SEMA3E: variants seen among roughly 807,000 people sequenced by gnomAD.
SEMA3E encodes semaphorin 3E, also known as semaphorin-3E.
In SEMA3E, 49 loss-of-function variants were observed where a neutral mutation model predicts 93.6. The observed-to-expected ratio is 0.52, with a 90% CI of 0.42 to 0.66. The LOEUF (loss-of-function observed/expected upper bound fraction) is 0.66, where lower values mean the gene tolerates loss of function less well. SEMA3E is among the 30% of genes least tolerant of loss of function. The pLI is 0.00. For missense variants in SEMA3E, 906 were observed against 964.8 expected, an observed-to-expected ratio of 0.94 and a Z score of 0.81; for synonymous variants, 363 against 330.7, an observed-to-expected ratio of 1.10 and a Z score of -1.06.
intron 1 of SEMA3E, among the ~76,000 whole-genome samples, chr7:83,578,551 G>A (rs1004263460): frequency 2.6e-5 from 4 of 151,950 alleles, no homozygotes; most frequent in South Asian, 2.1e-4. Context: ...GTGAGACTCC[G>A]TCTCAACAAA....
At chr7:83,634,276 GA>G (rs1793839329) in intron 1 of SEMA3E, among the ~76,000 whole-genome samples, 1 of 152,142 alleles carries the variant, frequency 6.6e-6, no homozygotes, top group Non-Finnish European at 1.5e-5. Flanking sequence ...GTTTCTGAGT[GA>G]TAACTGCTTT....
intron 1 of SEMA3E, among the ~76,000 whole-genome samples, chr7:83,640,069 C>T (rs1159808220): frequency 6.6e-6 from 1 of 152,130 alleles, no homozygotes; most frequent in African/African-American, 2.4e-5. Context: ...TCTCCATTCC[C>T]ATCATTTCCT....
rs2722975 is a variant in SEMA3E at position 83,402,479 on chromosome 7, A to G, written c.1143+153T>C. Among the ~76,000 whole-genome samples, 139,336 of 151,984 alleles carry G rather than the reference A, an allele frequency of 0.92. 65,126 individuals are homozygous for G. Among genetic ancestry groups the G allele is most frequent in the East Asian group, 1 (5,182 of 5,182 alleles). On this transcript the variant is annotated intron_variant, in intron 10 of 16. Transcript: ENST00000643230. ...AAGGATAAAACTTGAGATTTGAAGG[A>G]ATATTTTTTTACTACATATACTTTT...
intron 1 of SEMA3E, among the ~76,000 whole-genome samples, chr7:83,638,615 A>G (rs1793928209): frequency 6.6e-6 from 1 of 152,202 alleles, no homozygotes; most frequent in Non-Finnish European, 1.5e-5. Flanking sequence ...TTAGATATCT[A>G]TGAATCTAAG....
At chr7:83,486,821 T>A (rs1790267419) in intron 2 of SEMA3E, among the ~76,000 whole-genome samples, 1 of 152,078 alleles carries the variant, frequency 6.6e-6, no homozygotes, top group South Asian at 2.1e-4. Flanking sequence ...AATTTTGAAA[T>A]TTTTAAAGTT....
chr7:83,619,780 G>GA lies in SEMA3E; in HGVS notation c.115+28647dup, dbSNP rs201988209. 1.7e-3 allele frequency among the ~76,000 whole-genome samples: 255 copies of GA among 148,872 alleles called. 2 individuals carry two copies. Among genetic ancestry groups the GA allele is most frequent in the African/African-American group, 5.4e-3 (220 of 40,674 alleles). Reference sequence around the variant, plus strand: ...AGACAAAATGAAAGTACATAAATTAGAAAAAAAAATGAGTGCTACTGTTGG... The same window carrying GA: ...AGACAAAATGAAAGTACATAAATTAGAAAAAAAAAATGAGTGCTACTGTTGG... On this transcript the variant is annotated intron_variant, in intron 1 of 16. Coordinates refer to ENST00000643230, the MANE Select transcript of SEMA3E (RefSeq NM_012431.3).
intron 2 of SEMA3E, among the ~76,000 whole-genome samples, chr7:83,482,588 A>AT (rs1562801566): frequency 8.4e-6 from 1 of 118,808 alleles, no homozygotes; most frequent in Non-Finnish European, 1.9e-5. Context: ...AAAAAAAAAA[A>AT]TTTGCAAGAA....
chr7:83,493,617 C>A (rs760417958), intron 1 of SEMA3E, among the ~76,000 whole-genome samples: 3 of 151,854 alleles, frequency 2.0e-5, no homozygotes, highest in Admixed American at 6.6e-5. Context: ...AAGAAAAATG[C>A]ATTGAATGCT....
At chr7:83,600,200 G>T (rs186098738) in intron 1 of SEMA3E, among the ~76,000 whole-genome samples, 20 of 152,080 alleles carry the variant, frequency 1.3e-4, no homozygotes, top group East Asian at 9.7e-4. Flanking sequence ...CAATTTAATG[G>T]CTCCTTTGCT....
rs936713244 is a variant in SEMA3E, at chr7:83,431,257, TAA to T, written c.457-12776_457-12775del. 3.4e-4 allele frequency among the ~76,000 whole-genome samples: 51 copies of T among 151,758 alleles called. 1 individual carries two copies. Among genetic ancestry groups the T allele is most frequent in the African/African-American group, 1.2e-3 (48 of 41,464 alleles). On this transcript the variant is annotated intron_variant, in intron 4 of 16. Transcript: ENST00000643230. Reference sequence around the variant, plus strand: ...AATAATTTCAATGGCAGAAATAAAATAAAGTTTTGAGAAGGAATGTCTCTCTG... The same window carrying T: ...AATAATTTCAATGGCAGAAATAAAATAGTTTTGAGAAGGAATGTCTCTCTG...
chr7:83,473,174 A>C lies in SEMA3E; in HGVS notation c.277-3872T>G, dbSNP rs76576852. Among the ~76,000 whole-genome samples, 777 of 152,326 alleles carry C rather than the reference A, an allele frequency of 5.1e-3. 13 individuals carry two copies. Among genetic ancestry groups the C allele is most frequent in the African/African-American group, 0.018 (745 of 41,568 alleles). ...AGTTAACATTTTGATGAAGGAGTGA[A>C]AATAACACAGCCAAGTAGCATGGGC... On this transcript the variant is annotated intron_variant, in intron 2 of 16. Transcript: ENST00000643230.
At position 83,364,056 on chromosome 7, in the gene SEMA3E, G is replaced by A. The variant is rs986090164; in HGVS notation, c.*3530C>T. 4.7e-5 allele frequency: 7 copies of A among 150,248 alleles called. No individual in the cohort carries two copies. The highest frequency in any genetic ancestry group is 1.2e-4 in the African/African-American group (5 of 40,840). 9.3% of individuals were successfully genotyped at this position (150,248 alleles called of 1,614,324 possible). A position where few individuals can be genotyped will look rare whatever the true frequency, so the allele number is the denominator to read the frequency against. On this transcript the variant is annotated 3_prime_UTR_variant, in exon 17 of 17. Coordinates refer to ENST00000643230, the MANE Select transcript of SEMA3E (RefSeq NM_012431.3). ...ACTACAGGCGCCCGCCACCGCGCCC[G>A]GCTAATTTTTTGTATTTTTAGTAGA...
At chr7:83,413,309 T>C (rs1367690585) in intron 5 of SEMA3E, among the ~76,000 whole-genome samples, 1 of 142,954 alleles carries the variant, frequency 7.0e-6, no homozygotes, top group Non-Finnish European at 1.6e-5. Flanking sequence ...GACCTTCTTA[T>C]CTTGTTAAGT....
rs1030247803 is a variant in SEMA3E at position 83,507,686 on chromosome 7, C to G, written c.116-17412G>C. On this transcript the variant is annotated intron_variant, in intron 1 of 16. Coordinates refer to ENST00000643230, the MANE Select transcript of SEMA3E (RefSeq NM_012431.3). ...GTCGCGGTGGCTCACACGTGTAATC[C>G]CAGCATTTTAGAAGGCCAAGGTGGG... is the stretch of plus-strand genomic sequence containing the variant. 4.6e-5 allele frequency among the ~76,000 whole-genome samples: 7 copies of G among 151,648 alleles called. No homozygotes were observed. The South Asian group carries it at 1.5e-3, about 32-fold the overall frequency.
intron 1 of SEMA3E, among the ~76,000 whole-genome samples, chr7:83,639,121 A>ACAAAC (rs1793943080): frequency 7.5e-6 from 1 of 134,218 alleles, no homozygotes; most frequent in African/African-American, 2.9e-5. Context: ...AAAAAAAAAA[A>ACAAAC]AAAAAAAAAA....
At chr7:83,538,650 T>C (rs1188192569) in intron 1 of SEMA3E, among the ~76,000 whole-genome samples, 1 of 152,222 alleles carries the variant, frequency 6.6e-6, no homozygotes, top group Non-Finnish European at 1.5e-5. Context: ...ATAATTTTGA[T>C]AGCTGAAACA....
In SEMA3E at chr7:83,455,287, C is replaced by T. The variant is rs535440642; in HGVS notation, c.456+11195G>A. 9.9e-5 allele frequency among the ~76,000 whole-genome samples: 15 copies of T among 152,192 alleles called. No individual in the cohort carries two copies. The South Asian group carries it at 2.1e-3, about 21-fold the overall frequency. ...TGCCCTCAAGGACAATCAAATTTTC[C>T]GAGGTTTGAGCAGAAAAATTCTGCA... On this transcript the variant is annotated intron_variant, in intron 4 of 16. Transcript: ENST00000643230.
At chr7:83,634,309 T>C (rs1388920261) in intron 1 of SEMA3E, among the ~76,000 whole-genome samples, 4 of 152,184 alleles carry the variant, frequency 2.6e-5, no homozygotes, top group Non-Finnish European at 4.4e-5. Context: ...AGCTATCTCA[T>C]TGGTAATGGT....
chr7:83,492,187 C>T (rs868433076), intron 1 of SEMA3E, among the ~76,000 whole-genome samples: 4 of 151,884 alleles, frequency 2.6e-5, no homozygotes, highest in African/African-American at 7.3e-5. Flanking sequence ...CAAAACACTC[C>T]GGTGTAGAGC....
Sources: gnomAD v4.1 joint callset for allele counts (sites outside exome capture counted in the v4.1 genomes callset) on GRCh38, gnomAD v4.1.1 for gene constraint, MANE v1.5 for transcripts, NCBI Gene and HGNC (gene_info 2026-07-23, HGNC 2026-07-21) for gene names.